SYNE2: variants seen among roughly 807,000 people sequenced by gnomAD.
SYNE2 encodes nesprin-2.
SYNE2 carries 431 observed loss-of-function variants against 856.3 expected under a neutral mutation model. That is an observed-to-expected ratio of 0.50 (90% confidence interval 0.47 to 0.55). The LOEUF (loss-of-function observed/expected upper bound fraction) is 0.55, where lower values mean the gene tolerates loss of function less well. Ranked by LOEUF, SYNE2 falls within the 20% of genes least tolerant of loss-of-function variation. The pLI, the probability that SYNE2 is intolerant of heterozygous loss-of-function variation, is 0.00. For synonymous variants in SYNE2, 2,923 were observed against 2,872.3 expected (o/e 1.02, Z -0.56); for missense variants, 8,129 against 8,023.2 (o/e 1.01, Z -0.50).
intron 2 of SYNE2, among the ~76,000 whole-genome samples, chr14:63,923,436 A>G (rs935679249): frequency 1.3e-5 from 2 of 152,248 alleles, no homozygotes; most frequent in African/African-American, 4.8e-5. Flanking sequence ...CAAACTAAGT[A>G]CTTAAATCTG....
intron 48 of SYNE2, 105 bp downstream of exon 48, chr14:64,053,762 G>C: frequency 8.7e-7 from 1 of 1,143,266 alleles, no homozygotes; most frequent in Non-Finnish European, 1.2e-6. Context: ...AGGCCAAGTA[G>C]AGACCAGCCT....
chr14:64,002,088 A>G lies in SYNE2; in HGVS notation c.3786+7A>G, dbSNP rs778686599. ...CATCTATCAACACCTAAGGGTAAGT[A>G]TATAAGTTCTCACAGTGTATTTACA... On this transcript the variant is annotated splice_region_variant and intron_variant, in intron 29 of 115. Transcript: ENST00000555002. 1 of 1,601,424 alleles carries G rather than the reference A, an allele frequency of 6.2e-7. No homozygotes were observed. The highest frequency in any genetic ancestry group is 1.7e-4 in the Middle Eastern group (1 of 6,036).
Position 64,184,329 on chromosome 14 carries a change from G to GGGGTGT in SYNE2, c.17557-2094_17557-2093insGGTGTG, listed in dbSNP as rs1555532246. Among the ~76,000 whole-genome samples, 905 of 144,242 alleles carry GGGGTGT rather than the reference G, an allele frequency of 6.3e-3. 6 individuals carry two copies. The highest frequency in any genetic ancestry group is 8.0e-3 in the Non-Finnish European group (529 of 66,314). The allele number at this position is 144,242 out of a possible 152,430, so 94.6% of individuals were successfully genotyped here. Reference sequence around the variant, plus strand: ...CAGAGAGCCACACTGTATGCATAGGGGTGTGTGTGTGTGTGTGTGTGTGTG... The same window carrying GGGGTGT: ...CAGAGAGCCACACTGTATGCATAGGGGGGTGTGTGTGTGTGTGTGTGTGTGTGTGTG... On this transcript the variant is annotated intron_variant, in intron 96 of 115. Transcript: ENST00000555002.
chr14:63,912,854 G>A (rs943137267), intron 2 of SYNE2, among the ~76,000 whole-genome samples: 16 of 152,226 alleles, frequency 1.1e-4, no homozygotes, highest in Admixed American at 9.8e-4. Context: ...AGGACGATAA[G>A]CAAGTGACTT....
In SYNE2 at chr14:64,152,702, A is replaced by G. The variant is rs763865185; in HGVS notation, c.15778A>G (p.Ser5260Gly). Residue 5260 changes from serine (S) to glycine (G), a missense_variant, in exon 85 of 116, where the codon AGT becomes GGT. Around this residue, in one of 3 missense-constraint regions of SYNE2, gnomAD observed 5,410 missense variants for 5,284.8 expected, o/e 1.02. Transcript: ENST00000555002. ...TGATGAGTTATTTCAAAAGAGAAGC[A>G]GTGTTCTCACTCAGGTACTAGAATT... ...RIDELFQKRS[S>G]VLTQVNQLKT... The G allele has an allele frequency of 1.9e-6, 3 of 1,614,110 alleles. No homozygotes were observed. The highest frequency in any genetic ancestry group is 2.5e-6 in the Non-Finnish European group (3 of 1,179,986).
chr14:64,156,620 G>A (rs1051485955), intron 85 of SYNE2, among the ~76,000 whole-genome samples: 7 of 151,808 alleles, frequency 4.6e-5, no homozygotes, highest in African/African-American at 1.5e-4. Context: ...CACCACTCCC[G>A]GCTAATTTTT....
chr14:63,803,748 G>A (rs1187513997), intron 1 of SYNE2, among the ~76,000 whole-genome samples: 2 of 152,206 alleles, frequency 1.3e-5, no homozygotes, highest in Admixed American at 6.5e-5. Flanking sequence ...CTCAAGTGCC[G>A]CCAAAGTGGG....
At chr14:63,817,909 C>G (rs1185358950) in intron 1 of SYNE2, among the ~76,000 whole-genome samples, 1 of 149,942 alleles carries the variant, frequency 6.7e-6, no homozygotes, top group Admixed American at 6.8e-5. Flanking sequence ...CCTGTGGTCC[C>G]AGCTAGTTGG....
chr14:64,031,294 G>T lies in SYNE2; in HGVS notation c.7158G>T (p.Val2386=), dbSNP rs1438986036. ...GAGAGAAGCAGGCCACTTCTGATGT[G>T]CAGGAGTCTACTCAGGAATCAGCTG... is the stretch of plus-strand genomic sequence containing the variant. ...PGREKQATSD[V]QESTQESAAV... The change falls in exon 45 of 116, where the codon GTG becomes GTT. Residue 2386 remains valine (V), a synonymous_variant. Transcript: ENST00000555002. The T allele has an allele frequency of 6.2e-7, 1 of 1,614,168 alleles. No individual in the cohort carries two copies. Among genetic ancestry groups the T allele is most frequent in the Non-Finnish European group, 8.5e-7 (1 of 1,180,036 alleles).
intron 34 of SYNE2, among the ~76,000 whole-genome samples, chr14:64,018,494 G>A (rs374097250): frequency 1.9e-4 from 29 of 152,200 alleles, no homozygotes; most frequent in African/African-American, 6.5e-4. Flanking sequence ...CGCCCACCTC[G>A]GCCTCCCAAA....
rs551392966 is a variant in SYNE2 at position 63,984,934 on chromosome 14, G to A, written c.2151+1048G>A. Among the ~76,000 whole-genome samples, 291 of 152,164 alleles carry A rather than the reference G, an allele frequency of 1.9e-3. 1 individual carries two copies. Among genetic ancestry groups the A allele is most frequent in the African/African-American group, 6.7e-3 (279 of 41,520 alleles). On this transcript the variant is annotated intron_variant, in intron 18 of 115. Coordinates refer to ENST00000555002, the MANE Select transcript of SYNE2 (RefSeq NM_182914.3). Reference sequence around the variant, plus strand: ...GCACTTTGGGAGGCTGAGGCAAGAGGATTGCTTGAGCTCAAGTTCGAGACC... The same window carrying A: ...GCACTTTGGGAGGCTGAGGCAAGAGAATTGCTTGAGCTCAAGTTCGAGACC...
chr14:64,174,808 A>C, intron 94 of SYNE2, 136 bp from the exon 95 acceptor site: 1 of 759,802 alleles, frequency 1.3e-6, no homozygotes. Context: ...GTGTATGTAC[A>C]TTCTGACCCA....
intron 79 of SYNE2, among the ~76,000 whole-genome samples, chr14:64,138,936 G>GTGTGTGTGTA (rs1162982978): frequency 4.9e-5 from 7 of 142,800 alleles, no homozygotes; most frequent in African/African-American, 1.7e-4. Flanking sequence ...GTGTGTGTGT[G>GTGTGTGTGTA]TGTATGTATG....
chr14:64,162,643 A>G, intron 88 of SYNE2: 1 of 335,670 alleles, frequency 3.0e-6, no homozygotes, highest in Non-Finnish European at 5.8e-6. Context: ...AGCAGTAATC[A>G]TGGACTTGGT....
At chr14:64,147,949 A>C (rs1020638208) in intron 84 of SYNE2, among the ~76,000 whole-genome samples, 1 of 152,210 alleles carries the variant, frequency 6.6e-6, no homozygotes, top group Non-Finnish European at 1.5e-5. Flanking sequence ...TAGTTTAGCC[A>C]ATCCATGGAT....
chr14:64,113,263 T>C, intron 65 of SYNE2, 78 bp from the exon 66 acceptor site: 1 of 1,609,108 alleles, frequency 6.2e-7, no homozygotes, highest in Non-Finnish European at 8.5e-7. Flanking sequence ...ACTGGGGAAA[T>C]GTTGCAGGTT....
At chr14:64,090,809 T>C in intron 59 of SYNE2, 57 bp from the exon 60 acceptor site, 1 of 1,460,758 alleles carries the variant, frequency 6.8e-7, no homozygotes, top group South Asian at 1.2e-5. Flanking sequence ...AATAATTAAA[T>C]TTAACAGTGG....
chr14:64,188,908 A>C (rs1235419939), intron 98 of SYNE2, 200 bp downstream of exon 98: 1 of 712,106 alleles, frequency 1.4e-6, no homozygotes. Context: ...GTGTGAGACC[A>C]TTGTCAGTGG....
At chr14:63,835,812 C>T (rs150019217) in intron 1 of SYNE2, among the ~76,000 whole-genome samples, 61 of 151,966 alleles carry the variant, frequency 4.0e-4, no homozygotes, top group South Asian at 6.2e-4. Flanking sequence ...GGAGAAACCC[C>T]GTCTCTACTA....
Sources: allele counts gnomAD v4.1 joint callset (sites outside exome capture counted in the v4.1 genomes callset), GRCh38; gene constraint gnomAD v4.1.1; regional missense constraint gnomAD v4.1.1; transcripts MANE v1.5; gene names NCBI Gene and HGNC (gene_info 2026-07-23, HGNC 2026-07-21).